Variants in MADD observed in about 807,000 individuals in gnomAD.
The protein encoded by MADD is MAP kinase activating death domain, also known as MAP kinase-activating death domain protein.
MADD carries 109 observed loss-of-function variants against 176.7 expected under a neutral mutation model. The ratio of observed to expected loss-of-function variants is 0.62; its 90% CI spans 0.53 to 0.72. MADD has a LOEUF of 0.72. Among genes scored for constraint, MADD ranks in the 30% least tolerant of loss-of-function variants. The pLI, the probability that MADD is intolerant of heterozygous loss-of-function variation, is 0.00. For synonymous variants in MADD, 771 were observed against 771.3 expected (o/e 1.00, Z 0.01); for missense variants, 1,914 against 2,045.5 (o/e 0.94, Z 1.24).
At chr11:47,289,626 T>C in intron 16 of MADD, 133 bp downstream of exon 17, 1 of 849,104 alleles carries the variant, frequency 1.2e-6, no homozygotes, top group South Asian at 1.6e-5. Flanking sequence ...TTGCCAGCAC[T>C]TCTCATTCTG....
At chr11:47,309,127 C>T (rs765936650) in intron 23 of MADD, 85 bp downstream of exon 26, 5 of 1,555,576 alleles carry the variant, frequency 3.2e-6, no homozygotes, top group Non-Finnish European at 4.4e-6. Flanking sequence ...GGGCTGGTGG[C>T]AGGCATGTTA....
At chr11:47,279,023 G>A (rs1473131199) in exon 7 of MADD, 8 of 1,614,074 alleles carry the variant, frequency 5.0e-6, no homozygotes, top group South Asian at 2.2e-5. Context: ...CAATGCAGAA[G>A]TGCTGCCTAT....
chr11:47,282,133 C>T (rs2057369073), intron 8 of MADD, among the ~76,000 whole-genome samples: 1 of 152,092 alleles, frequency 6.6e-6, no homozygotes, highest in African/African-American at 2.4e-5. Flanking sequence ...CCGCACCCAG[C>T]CCAGGGTTTC....
intron 14 of MADD, 72 bp downstream of exon 14, chr11:47,285,662 T>A: frequency 6.3e-7 from 1 of 1,597,292 alleles, no homozygotes; most frequent in Middle Eastern, 1.7e-4. Context: ...CTATGGCAAA[T>A]GTTGCTTAGA....
intron 25 of MADD, among the ~76,000 whole-genome samples, chr11:47,311,143 T>C (rs1594618194): frequency 6.6e-6 from 1 of 152,146 alleles, no homozygotes; most frequent in South Asian, 2.1e-4. Flanking sequence ...GAGAATTGTT[T>C]GGAGAACGAG....
At chr11:47,328,511 C>G in intron 31 of MADD, 147 bp from the exon 36 acceptor site, 1 of 1,506,300 alleles carries the variant, frequency 6.6e-7, no homozygotes, top group East Asian at 2.5e-5. Context: ...GGCCTCTGCC[C>G]TGTCATAGCC....
chr11:47,292,018 C>T (rs61896051), intron 19 of MADD, among the ~76,000 whole-genome samples: 11,422 of 152,208 alleles, frequency 0.075, 515 homozygotes, highest in South Asian at 0.11. Context: ...GGGATGCTAA[C>T]TGCCTGCATG....
chr11:47,284,071 G>A, intron 10 of MADD, 107 bp from the exon 11 acceptor site: 1 of 758,984 alleles, frequency 1.3e-6, no homozygotes, highest in South Asian at 1.5e-5. Flanking sequence ...TTTGTTCCCT[G>A]GCCTTGAGTT....
chr11:47,287,601 G>T (rs572546036), intron 15 of MADD, among the ~76,000 whole-genome samples: 44 of 151,896 alleles, frequency 2.9e-4, no homozygotes, highest in African/African-American at 1.0e-3. Context: ...GTAGAGACGG[G>T]GTTTCACCAT....
At chr11:47,282,952 C>T (rs763898126) in exon 10 of MADD, 20 of 1,613,672 alleles carry the variant, frequency 1.2e-5, no homozygotes, top group East Asian at 4.5e-5. Context: ...ACTCTGACTC[C>T]GAACCTACTG....
exon 33 of MADD, chr11:47,329,223 C>A: frequency 9.0e-7 from 1 of 1,105,082 alleles, no homozygotes; most frequent in Non-Finnish European, 1.4e-6. Flanking sequence ...GTGCACGATG[C>A]TGCTGTGACT....
chr11:47,295,462 A>T (rs1173257874), intron 20 of MADD, 34 bp from the exon 23 acceptor site: 1 of 1,531,238 alleles, frequency 6.5e-7, no homozygotes. Flanking sequence ...AGGAGATTGG[A>T]CACCTCCCCT....
intron 19 of MADD, among the ~76,000 whole-genome samples, 153 bp downstream of exon 20, chr11:47,290,969 T>C (rs1293462399): frequency 1.3e-5 from 2 of 152,138 alleles, no homozygotes; most frequent in Non-Finnish European, 2.9e-5. Context: ...GGTGTTTCTT[T>C]GTACTTCTCT....
At chr11:47,290,413 T>C in intron 18 of MADD, 114 bp downstream of exon 19, 2 of 1,407,338 alleles carry the variant, frequency 1.4e-6, no homozygotes, top group East Asian at 2.4e-5. Flanking sequence ...TGCTTCCCAT[T>C]AGGCTTTGGG....
chr11:47,309,532 C>T (rs762404910), exon 25 of MADD: 5 of 1,614,142 alleles, frequency 3.1e-6, no homozygotes, highest in East Asian at 4.5e-5. Context: ...AGAACATGAC[C>T]GGAAGCGCCT....
intron 26 of MADD, among the ~76,000 whole-genome samples, chr11:47,313,985 C>T (rs565186049): frequency 6.6e-6 from 1 of 151,914 alleles, no homozygotes; most frequent in African/African-American, 2.4e-5. Flanking sequence ...GTCTCCAACT[C>T]CTGACCTTTT....
At chr11:47,292,920 A>G (rs2066642603) in intron 19 of MADD, among the ~76,000 whole-genome samples, 1 of 152,204 alleles carries the variant, frequency 6.6e-6, no homozygotes, top group South Asian at 2.1e-4. Flanking sequence ...CACCTGTTAG[A>G]AGGCCTGTGG....
rs753661567 is a variant in MADD at position 47,278,146 on chromosome 11, T to G, written c.1096-19T>G. On this transcript the variant is annotated intron_variant, in intron 5 of 32. Transcript: ENST00000402192. ...ATAGGTTTTGTCTTTGTTTCTCACC[T>G]TCTTTATCATTTCCACAGCTGCTGT... is the stretch of plus-strand genomic sequence containing the variant. 1.3e-6 allele frequency: 2 copies of G among 1,552,958 alleles called. No homozygotes were observed. Among genetic ancestry groups the G allele is most frequent in the Non-Finnish European group, 1.8e-6 (2 of 1,124,626 alleles).
Position 47,329,139 on chromosome 11 carries a change from GTC to G in MADD, c.4757_4758del (p.Ser1586Ter), listed in dbSNP as rs750155008. On this transcript the variant is annotated frameshift_variant, in exon 33 of 33. Coordinates refer to ENST00000402192, the Ensembl canonical transcript of MADD. LOFTEE classifies it high-confidence loss of function. ...AGATCTCAGAACCCCGCCCCGGCCT[GTC>G]TCTAGCTGATGGAGAGGGGCTACGC... 6.2e-7 allele frequency: 1 copy of G among 1,613,900 alleles called. No homozygotes were observed. The highest frequency in any genetic ancestry group is 1.1e-5 in the South Asian group (1 of 91,080).
Sources: allele counts gnomAD v4.1 joint callset (sites outside exome capture counted in the v4.1 genomes callset), GRCh38; gene constraint gnomAD v4.1.1; transcripts MANE v1.5; gene names NCBI Gene and HGNC (gene_info 2026-07-23, HGNC 2026-07-21).